Variants in SENP6 observed in about 807,000 individuals in gnomAD.
The protein encoded by SENP6 is sentrin-specific protease 6.
A neutral mutation model predicts 134.5 loss-of-function variants in SENP6; 41 were observed. The observed-to-expected ratio is 0.30, with a 90% CI of 0.24 to 0.40. The LOEUF (loss-of-function observed/expected upper bound fraction) is 0.40. SENP6 is among the 10% of genes least tolerant of loss of function. The pLI, the probability that SENP6 is intolerant of heterozygous loss-of-function variation, is 1.00. For synonymous variants in SENP6, 395 were observed against 429.8 expected, an observed-to-expected ratio of 0.92 and a Z score of 1.00; for missense variants, 1,248 against 1,312.5, an observed-to-expected ratio of 0.95 and a Z score of 0.76.
At chr6:75,666,631 G>T in intron 9 of SENP6, 81 bp from the exon 10 acceptor site, 2 of 702,066 alleles carry the variant, frequency 2.8e-6, no homozygotes, top group East Asian at 8.9e-5. Flanking sequence ...TAATTTATTT[G>T]CATTTTTAAT....
chr6:75,660,178 T>C (rs969850408), intron 8 of SENP6, among the ~76,000 whole-genome samples: 2 of 152,204 alleles, frequency 1.3e-5, no homozygotes, highest in African/African-American at 4.8e-5. Flanking sequence ...CTGATGTTTG[T>C]AAATGATGTG....
intron 5 of SENP6, among the ~76,000 whole-genome samples, chr6:75,638,805 C>T (rs1008477610): frequency 6.6e-6 from 1 of 151,340 alleles, no homozygotes; most frequent in Non-Finnish European, 1.5e-5. Context: ...GACCTGTAAT[C>T]CCAGCACTTT....
chr6:75,708,960 CAT>C (rs1409580671), intron 19 of SENP6, among the ~76,000 whole-genome samples: 35 of 152,150 alleles, frequency 2.3e-4, no homozygotes, highest in Admixed American at 3.3e-4. Flanking sequence ...TTCTTTGAAA[CAT>C]GTTGTGATTA....
chr6:75,611,263 G>A (rs1767429607), intron 1 of SENP6: 1 of 152,128 alleles, frequency 6.6e-6, no homozygotes, highest in Admixed American at 6.5e-5. Flanking sequence ...TTGGCATTCA[G>A]TCTTCTGTTT....
intron 3 of SENP6, among the ~76,000 whole-genome samples, chr6:75,625,368 G>A (rs920138440): frequency 6.6e-6 from 1 of 151,824 alleles, no homozygotes; most frequent in Non-Finnish European, 1.5e-5. Context: ...TCCCATCTCT[G>A]CCTCCGAAAG....
chr6:75,653,609 TTGCTCTAGG>T (rs1218709968), intron 7 of SENP6, among the ~76,000 whole-genome samples: 1 of 152,120 alleles, frequency 6.6e-6, no homozygotes, highest in Non-Finnish European at 1.5e-5. Flanking sequence ...ATTTAATAAA[TTGCTCTAGG>T]AATCAATTTC....
intron 6 of SENP6, 32 bp from the exon 7 acceptor site, chr6:75,647,699 T>G (rs1254857660): frequency 1.4e-6 from 2 of 1,454,020 alleles, no homozygotes; most frequent in Admixed American, 3.4e-5. Context: ...GTATTTCCTG[T>G]TAGAATAAAA....
At position 75,621,632 on chromosome 6, in the gene SENP6, AT is replaced by A. The variant is rs573890257; in HGVS notation, c.146+16del. The A allele has an allele frequency of 1.7e-4, 258 of 1,527,934 alleles. No homozygotes were observed. Among genetic ancestry groups the A allele is most frequent in the Non-Finnish European group, 1.9e-4 (214 of 1,113,414 alleles). 94.6% of individuals were successfully genotyped at this position (1,527,934 alleles called of 1,614,324 possible). A position where few individuals can be genotyped will look rare whatever the true frequency, so the allele number is the denominator to read the frequency against. On this transcript the variant is annotated splice_region_variant and intron_variant, in intron 2 of 23. Coordinates refer to ENST00000447266, the MANE Select transcript of SENP6 (RefSeq NM_015571.4). The stretch of plus-strand genomic sequence containing the variant: ...AAGGAGATACAGATAAAGAGTAAGG[AT>A]TTTTTTTTCCCTCAGATGTTTTATA...
At chr6:75,686,484 A>C (rs571915267) in intron 16 of SENP6, among the ~76,000 whole-genome samples, 6 of 152,302 alleles carry the variant, frequency 3.9e-5, no homozygotes, top group Admixed American at 1.3e-4. Context: ...CAGTTTCTTC[A>C]TAGCATCGAT....
At chr6:75,643,740 A>T (rs964317992) in intron 6 of SENP6, among the ~76,000 whole-genome samples, 9 of 152,186 alleles carry the variant, frequency 5.9e-5, no homozygotes, top group African/African-American at 1.4e-4. Context: ...AAACAATAGA[A>T]TACAATTGTG....
At chr6:75,686,612 A>G (rs1773859829) in intron 16 of SENP6, among the ~76,000 whole-genome samples, 1 of 152,162 alleles carries the variant, frequency 6.6e-6, no homozygotes. Flanking sequence ...ATCTCTCAGC[A>G]TTTGCTTTGT....
At chr6:75,693,128 A>G (rs1774401245) in intron 16 of SENP6, among the ~76,000 whole-genome samples, 1 of 152,154 alleles carries the variant, frequency 6.6e-6, no homozygotes, top group African/African-American at 2.4e-5. Flanking sequence ...GGCCAGGCAC[A>G]GTGGCTCACG....
intron 18 of SENP6, among the ~76,000 whole-genome samples, chr6:75,701,362 G>C (rs72654744): frequency 6.6e-6 from 1 of 152,084 alleles, no homozygotes; most frequent in Non-Finnish European, 1.5e-5. Context: ...CCTGAATTCA[G>C]CTGTATCATA....
chr6:75,608,889 C>A (rs926158218), intron 1 of SENP6, among the ~76,000 whole-genome samples: 1 of 152,130 alleles, frequency 6.6e-6, no homozygotes, highest in Non-Finnish European at 1.5e-5. Context: ...CCTTTACTTG[C>A]TTGTCTTCTC....
intron 16 of SENP6, among the ~76,000 whole-genome samples, chr6:75,688,511 T>C (rs1774007444): frequency 1.3e-5 from 2 of 152,194 alleles, no homozygotes; most frequent in Admixed American, 6.5e-5. Flanking sequence ...GAGCTATTCC[T>C]ATTTGGCCAT....
chr6:75,687,135 T>G (rs1027615323), intron 16 of SENP6, among the ~76,000 whole-genome samples: 2 of 152,210 alleles, frequency 1.3e-5, no homozygotes, highest in Non-Finnish European at 2.9e-5. Context: ...TCTCACTTTA[T>G]TTCATTAATT....
intron 7 of SENP6, among the ~76,000 whole-genome samples, chr6:75,648,657 T>C (rs11754482): frequency 0.27 from 41,566 of 152,148 alleles, 6,460 homozygotes; most frequent in Non-Finnish European, 0.37. Context: ...CTTTACATAC[T>C]AAGCATAGTT....
intron 18 of SENP6, 60 bp downstream of exon 18, chr6:75,697,577 A>G: frequency 4.3e-6 from 5 of 1,154,442 alleles, no homozygotes; most frequent in Non-Finnish European, 6.5e-6. Flanking sequence ...GGCAATTTTT[A>G]AATAATGAGT....
At chr6:75,675,727 C>T (rs762589987) in intron 12 of SENP6, 133 bp from the exon 13 acceptor site, 1 of 921,148 alleles carries the variant, frequency 1.1e-6, no homozygotes, top group Non-Finnish European at 1.7e-6. Context: ...TTATTACCCA[C>T]AAGAGTAATG....
Sources: allele counts gnomAD v4.1 joint callset (sites outside exome capture counted in the v4.1 genomes callset), GRCh38; gene constraint gnomAD v4.1.1; transcripts MANE v1.5; gene names NCBI Gene and HGNC (gene_info 2026-07-23, HGNC 2026-07-21).